ENTREP2: variants seen among roughly 807,000 people sequenced by gnomAD.
The protein encoded by ENTREP2 is endosomal transmembrane epsin interactor 2, also known as protein ENTREP2.
chr15:29,223,825 T>C, the ENTREP2 span, among the ~76,000 whole-genome samples: 3 of 152,132 alleles, frequency 2.0e-5, no homozygotes, highest in East Asian at 5.8e-4. Context: ...ACACTGCAGG[T>C]ATCCCAGCAG....
At chr15:29,195,601 T>C in the ENTREP2 span, among the ~76,000 whole-genome samples, 43 of 152,344 alleles carry the variant, frequency 2.8e-4, no homozygotes, top group African/African-American at 9.6e-4. Flanking sequence ...CTCGGCTCAC[T>C]GCAACCTCTG....
At chr15:29,331,248 T>C in the ENTREP2 span, among the ~76,000 whole-genome samples, 1 of 152,170 alleles carries the variant, frequency 6.6e-6, no homozygotes, top group Admixed American at 6.5e-5. Context: ...CGAGGATCAA[T>C]AGCTGACGTC....
chr15:29,461,908 C>A, the ENTREP2 span, among the ~76,000 whole-genome samples: 1 of 152,064 alleles, frequency 6.6e-6, no homozygotes, highest in Non-Finnish European at 1.5e-5. Context: ...ACTCCCCATT[C>A]CTCCCTAGCC....
the ENTREP2 span, among the ~76,000 whole-genome samples, chr15:29,296,484 T>C: frequency 2.1e-4 from 32 of 152,242 alleles, no homozygotes; most frequent in Non-Finnish European, 3.4e-4. Context: ...CTTTAAAAAA[T>C]TGTTACAAAA....
At chr15:29,651,384 G>T in the ENTREP2 span, among the ~76,000 whole-genome samples, 17 of 152,176 alleles carry the variant, frequency 1.1e-4, no homozygotes, top group Non-Finnish European at 1.8e-4. Flanking sequence ...ATTCTGGAAA[G>T]GATCCTAGGA....
chr15:29,377,862 T>TAATAATAAA, the ENTREP2 span, among the ~76,000 whole-genome samples: 34 of 100,968 alleles, frequency 3.4e-4, no homozygotes, highest in Non-Finnish European at 6.6e-4. Context: ...ATAATAATAA[T>TAATAATAAA]AAAAAAATGA....
chr15:29,433,988 T>C, the ENTREP2 span, among the ~76,000 whole-genome samples: 164 of 152,270 alleles, frequency 1.1e-3, 1 homozygote, highest in African/African-American at 3.8e-3. Flanking sequence ...CAGCATTACA[T>C]TGTCAATTTG....
At chr15:29,653,395 A>G in the ENTREP2 span, among the ~76,000 whole-genome samples, 1 of 152,160 alleles carries the variant, frequency 6.6e-6, no homozygotes, top group Non-Finnish European at 1.5e-5. Context: ...CTGACAGTAC[A>G]CTGATACAGT....
the ENTREP2 span, among the ~76,000 whole-genome samples, chr15:29,384,513 C>A: frequency 6.6e-6 from 1 of 152,150 alleles, no homozygotes; most frequent in Non-Finnish European, 1.5e-5. Context: ...CCGCATCACC[C>A]TGGCCTGACA....
At chr15:29,570,981 C>CCCCG in the ENTREP2 span, among the ~76,000 whole-genome samples, 101 of 145,008 alleles carry the variant, frequency 7.0e-4, no homozygotes, top group African/African-American at 2.3e-3. Flanking sequence ...CTGCGCCCTC[C>CCCCG]CCCGCCCGCC....
the ENTREP2 span, among the ~76,000 whole-genome samples, chr15:29,386,613 T>G: frequency 6.6e-6 from 1 of 152,088 alleles, no homozygotes; most frequent in Non-Finnish European, 1.5e-5. Context: ...ACCCCCCAAT[T>G]GGAGATGTTG....
the ENTREP2 span, among the ~76,000 whole-genome samples, chr15:29,294,289 C>T: frequency 6.6e-6 from 1 of 152,224 alleles, no homozygotes; most frequent in East Asian, 1.9e-4. Context: ...TGTGGGCAGA[C>T]TCCCGTTAGT....
chr15:29,158,872 T>G, the ENTREP2 span, among the ~76,000 whole-genome samples: 1 of 152,170 alleles, frequency 6.6e-6, no homozygotes, highest in Admixed American at 6.5e-5. Context: ...AGAAAAAAGT[T>G]TTAGATACTT....
chr15:29,308,371 G>GA, the ENTREP2 span, among the ~76,000 whole-genome samples: 2 of 151,588 alleles, frequency 1.3e-5, no homozygotes, highest in Non-Finnish European at 2.9e-5. Flanking sequence ...GACTCTGTCT[G>GA]AAAAAAAAGA....
the ENTREP2 span, among the ~76,000 whole-genome samples, chr15:29,439,284 TACACACAC>T: frequency 0.019 from 1,857 of 97,022 alleles, 20 homozygotes; most frequent in Middle Eastern, 0.048. Context: ...AAATTGGAAT[TACACACAC>T]ACACACACAC....
the ENTREP2 span, among the ~76,000 whole-genome samples, chr15:29,585,261 A>T: frequency 6.6e-6 from 1 of 152,224 alleles, no homozygotes; most frequent in Non-Finnish European, 1.5e-5. Flanking sequence ...TTTCAACATC[A>T]TTCCTAATTT....
the ENTREP2 span, among the ~76,000 whole-genome samples, chr15:29,245,481 G>GT: frequency 6.7e-6 from 1 of 149,302 alleles, no homozygotes; most frequent in Non-Finnish European, 1.5e-5. Flanking sequence ...TAAAACCAAT[G>GT]TGAGTACAGA....
At chr15:29,327,113 T>C in the ENTREP2 span, among the ~76,000 whole-genome samples, 1 of 152,172 alleles carries the variant, frequency 6.6e-6, no homozygotes, top group East Asian at 1.9e-4. Flanking sequence ...ATAAAAGTTC[T>C]TTAAGAAAAC....
chr15:29,328,753 G>A, the ENTREP2 span, among the ~76,000 whole-genome samples: 1 of 152,148 alleles, frequency 6.6e-6, no homozygotes, highest in Non-Finnish European at 1.5e-5. Flanking sequence ...CAGGGGAGGA[G>A]GCTGGACTGA....
Sources: gnomAD v4.1 joint callset for allele counts (sites outside exome capture counted in the v4.1 genomes callset) on GRCh38, gnomAD v4.1.1 for gene constraint, MANE v1.5 for transcripts, NCBI Gene and HGNC (gene_info 2026-07-23, HGNC 2026-07-21) for gene names.